ZNF723: variants seen among roughly 807,000 people sequenced by gnomAD.
ZNF723 encodes zinc finger protein 723, pseudogene.
ZNF723 carries 5 observed loss-of-function variants against 9.4 expected under a neutral mutation model. The observed-to-expected ratio is 0.53, with a 90% CI of 0.28 to 1.12. The LOEUF (loss-of-function observed/expected upper bound fraction) is 1.12. ZNF723 is among the 50% of genes most tolerant of loss of function. The pLI is 0.10. For missense variants in ZNF723, 450 were observed against 501.5 expected (o/e 0.90, Z 0.98); for synonymous variants, 158 against 168.8 (o/e 0.94, Z 0.49).
chr19:22,812,954 T>TTTGTTTG, the ZNF723 span, among the ~76,000 whole-genome samples: 4 of 151,186 alleles, frequency 2.6e-5, no homozygotes, highest in East Asian at 2.0e-4. Flanking sequence ...AAGGTGTTTT[T>TTTGTTTG]TTTGTTTGTT....
At chr19:22,821,940 C>T in the ZNF723 span, among the ~76,000 whole-genome samples, 1 of 152,238 alleles carries the variant, frequency 6.6e-6, no homozygotes, top group African/African-American at 2.4e-5. Context: ...GAAACCCCAT[C>T]TCTACTAAAA....
upstream of ZNF723, among the ~76,000 whole-genome samples, chr19:22,831,258 T>C (rs1444374940): frequency 4.6e-5 from 7 of 152,294 alleles, no homozygotes; most frequent in African/African-American, 1.4e-4. Context: ...ACCTTTTTCT[T>C]TTTAAAGTTT....
At chr19:22,839,557 C>G (rs1004332384) in intron 1 of ZNF723, among the ~76,000 whole-genome samples, 3 of 150,992 alleles carry the variant, frequency 2.0e-5, no homozygotes, top group African/African-American at 7.3e-5. Flanking sequence ...GTCTCCACCT[C>G]CTGCTTCCCA....
chr19:22,832,611 G>T (rs1416585757), intron 1 of ZNF723, among the ~76,000 whole-genome samples: 1 of 152,188 alleles, frequency 6.6e-6, no homozygotes, highest in African/African-American at 2.4e-5. Flanking sequence ...CTGGCCTGGA[G>T]CCCTCTCTGG....
intron 1 of ZNF723, among the ~76,000 whole-genome samples, chr19:22,845,385 C>T (rs982918184): frequency 1.3e-5 from 2 of 152,162 alleles, no homozygotes; most frequent in Non-Finnish European, 2.9e-5. Context: ...GCCCTTTCCA[C>T]GGGTTCTTTT....
intron 1 of ZNF723, among the ~76,000 whole-genome samples, chr19:22,846,753 G>A (rs1192922720): frequency 1.4e-5 from 2 of 146,018 alleles, no homozygotes; most frequent in Admixed American, 1.4e-4. Flanking sequence ...GGAAATATCT[G>A]TATCTTGAAT....
intron 1 of ZNF723, 77 bp from the exon 2 acceptor site, chr19:22,848,184 C>G (rs1967340506): frequency 1.8e-6 from 1 of 562,312 alleles, no homozygotes; most frequent in Non-Finnish European, 3.1e-6. Flanking sequence ...TCTCATTTCA[C>G]CTTCAGTCAA....
At chr19:22,821,168 A>T in the ZNF723 span, among the ~76,000 whole-genome samples, 1 of 152,216 alleles carries the variant, frequency 6.6e-6, no homozygotes, top group African/African-American at 2.4e-5. Context: ...CTTGACTTTC[A>T]TACCTGGAGC....
At chr19:22,833,376 C>T (rs1967122288) in intron 1 of ZNF723, among the ~76,000 whole-genome samples, 1 of 152,036 alleles carries the variant, frequency 6.6e-6, no homozygotes, top group African/African-American at 2.4e-5. Flanking sequence ...TGGTTTCAAA[C>T]TCCTGACCTC....
At chr19:22,834,595 G>T (rs552778478) in intron 1 of ZNF723, among the ~76,000 whole-genome samples, 2 of 152,234 alleles carry the variant, frequency 1.3e-5, no homozygotes, top group South Asian at 4.1e-4. Flanking sequence ...TCTGCCATAG[G>T]ACAACCTGAG....
chr19:22,829,467 T>C (rs531994635), upstream of ZNF723, among the ~76,000 whole-genome samples: 1 of 152,212 alleles, frequency 6.6e-6, no homozygotes, highest in Non-Finnish European at 1.5e-5. Flanking sequence ...TGTATTTTTG[T>C]AGAGACAGAG....
chr19:22,846,588 C>T (rs115941946), intron 1 of ZNF723, among the ~76,000 whole-genome samples: 2,012 of 152,094 alleles, frequency 0.013, 40 homozygotes, highest in African/African-American at 0.046. Flanking sequence ...GCGCCACTGC[C>T]CTCCAGCCTG....
intron 1 of ZNF723, among the ~76,000 whole-genome samples, chr19:22,842,620 G>T (rs1192511981): frequency 6.6e-6 from 1 of 152,144 alleles, no homozygotes; most frequent in East Asian, 1.9e-4. Context: ...CAAATAAACG[G>T]TCTACTTACA....
chr19:22,837,059 G>A (rs1417942305), intron 1 of ZNF723, among the ~76,000 whole-genome samples: 4 of 152,062 alleles, frequency 2.6e-5, no homozygotes, highest in Non-Finnish European at 5.9e-5. Context: ...TTGGGAGGCT[G>A]AGGTGGGCAG....
At chr19:22,847,946 C>T (rs539943593) in intron 1 of ZNF723, among the ~76,000 whole-genome samples, 47 of 151,852 alleles carry the variant, frequency 3.1e-4, no homozygotes, top group Non-Finnish European at 5.7e-4. Flanking sequence ...ACTAAAAATA[C>T]AAAAATTAGC....
intron 1 of ZNF723, among the ~76,000 whole-genome samples, chr19:22,836,711 A>G (rs922524460): frequency 2.0e-5 from 3 of 152,222 alleles, no homozygotes; most frequent in African/African-American, 7.2e-5. Flanking sequence ...TATTTTGACC[A>G]CTGAAGACAA....
chr19:22,853,828 G>C (rs1449858466), intron 3 of ZNF723, among the ~76,000 whole-genome samples: 1 of 152,042 alleles, frequency 6.6e-6, no homozygotes, highest in African/African-American at 2.4e-5. Flanking sequence ...TGGCCAGGCT[G>C]GTCTCGAGCT....
At chr19:22,848,701 G>C (rs1034016905) in intron 2 of ZNF723, among the ~76,000 whole-genome samples, 9 of 151,642 alleles carry the variant, frequency 5.9e-5, no homozygotes, top group African/African-American at 2.2e-4. Flanking sequence ...ACCAGCTTTT[G>C]ATTCAGTGGT....
chr19:22,844,628 T>C (rs193234896), intron 1 of ZNF723, among the ~76,000 whole-genome samples: 217 of 152,330 alleles, frequency 1.4e-3, no homozygotes, highest in Admixed American at 4.4e-3. Flanking sequence ...TCCTACCTTT[T>C]ATTGCCTCTG....
Sources: gnomAD v4.1 joint callset for allele counts (sites outside exome capture counted in the v4.1 genomes callset) on GRCh38, gnomAD v4.1.1 for gene constraint, MANE v1.5 for transcripts, NCBI Gene and HGNC (gene_info 2026-07-23, HGNC 2026-07-21) for gene names.